Variants in ZMYM2 observed in about 807,000 individuals in gnomAD.
ZMYM2 encodes the protein zinc finger MYM-type protein 2.
A neutral mutation model predicts 162.8 loss-of-function variants in ZMYM2; 56 were observed. The observed-to-expected ratio is 0.34, with a 90% CI of 0.28 to 0.43. The LOEUF (loss-of-function observed/expected upper bound fraction) is 0.43, where lower values mean the gene tolerates loss of function less well. Ranked by LOEUF, ZMYM2 falls within the 20% of genes least tolerant of loss-of-function variation. The probability of loss-of-function intolerance (pLI) is 1.00; values close to 1 mark genes in which losing one functional copy is unlikely to be tolerated. For synonymous variants in ZMYM2, 510 were observed against 541.6 expected, an observed-to-expected ratio of 0.94 and a Z score of 0.81; for missense variants, 1,275 against 1,621.8, an observed-to-expected ratio of 0.79 and a Z score of 3.67.
At chr13:19,976,680 G>A (rs1457283718) in intron 2 of ZMYM2, among the ~76,000 whole-genome samples, 1 of 152,170 alleles carries the variant, frequency 6.6e-6, no homozygotes, top group Admixed American at 6.5e-5. Context: ...TTTTGTGACT[G>A]GCTGTTTTCA....
At chr13:19,888,432 TC>T in the ZMYM2 span, among the ~76,000 whole-genome samples, 1 of 151,422 alleles carries the variant, frequency 6.6e-6, no homozygotes, top group Non-Finnish European at 1.5e-5. Flanking sequence ...CAAATGATCC[TC>T]CTGCCTTGGC....
chr13:20,066,122 A>T (rs1256792512), intron 19 of ZMYM2, among the ~76,000 whole-genome samples: 1 of 152,258 alleles, frequency 6.6e-6, no homozygotes, highest in Non-Finnish European at 1.5e-5. Flanking sequence ...AGATTCAGGA[A>T]TACCAGTCAG....
chr13:20,027,387 A>C (rs1277703761), intron 9 of ZMYM2, 69 bp downstream of exon 9: 5 of 1,153,762 alleles, frequency 4.3e-6, no homozygotes, highest in Non-Finnish European at 4.7e-6. Context: ...AGTGTAATAT[A>C]ATATGCTTTA....
At chr13:20,018,560 C>T (rs1224312269) in intron 6 of ZMYM2, among the ~76,000 whole-genome samples, 2 of 152,154 alleles carry the variant, frequency 1.3e-5, no homozygotes, top group African/African-American at 4.8e-5. Context: ...GCTCTCATTG[C>T]TCACTTAGTT....
At chr13:19,997,495 A>G (rs945599880) in intron 3 of ZMYM2, among the ~76,000 whole-genome samples, 5 of 152,072 alleles carry the variant, frequency 3.3e-5, no homozygotes, top group Non-Finnish European at 7.4e-5. Flanking sequence ...AACTCCTTGT[A>G]GGTAGGTAGA....
intron 8 of ZMYM2, 141 bp from the exon 9 acceptor site, chr13:20,027,062 G>A (rs1384745140): frequency 6.3e-6 from 4 of 635,620 alleles, no homozygotes; most frequent in Non-Finnish European, 1.0e-5. Flanking sequence ...TATTTTAAAA[G>A]TGCACATAAT....
chr13:20,011,242 A>T (rs1951154472), intron 6 of ZMYM2, among the ~76,000 whole-genome samples: 2 of 152,180 alleles, frequency 1.3e-5, no homozygotes, highest in African/African-American at 4.8e-5. Flanking sequence ...GAAGTTCTTT[A>T]TATCTTGTAC....
chr13:19,936,200 G>A, the ZMYM2 span, among the ~76,000 whole-genome samples: 2 of 152,064 alleles, frequency 1.3e-5, no homozygotes, highest in East Asian at 3.9e-4. Flanking sequence ...TCATGAAGAG[G>A]GTTCATTTCA....
At position 20,005,088 on chromosome 13, in the gene ZMYM2, T is replaced by C; in HGVS notation, c.1148T>C (p.Met383Thr). 6.2e-7 allele frequency: 1 copy of C among 1,604,638 alleles called. No homozygotes were observed. The highest frequency in any genetic ancestry group is 8.5e-7 in the Non-Finnish European group (1 of 1,177,214). ...CVMCKKDITT[M>T]KGTIVAQVDS... ...TTATTTTTCAGAGATATAACTACAATGAAAGGAACCATTGTTGCTCAAGTG... is the reference window on the plus strand; with the variant it reads ...TTATTTTTCAGAGATATAACTACAACGAAAGGAACCATTGTTGCTCAAGTG... The change falls in exon 5 of 25, where the codon ATG becomes ACG. Residue 383 changes from methionine to threonine, a missense_variant. This residue lies in a region of ZMYM2 where 115 missense variants were observed against 175.3 expected (regional missense o/e 0.66). Transcript: ENST00000610343.
At chr13:20,012,354 T>G (rs1039588687) in intron 6 of ZMYM2, among the ~76,000 whole-genome samples, 3 of 152,104 alleles carry the variant, frequency 2.0e-5, no homozygotes, top group African/African-American at 7.2e-5. Flanking sequence ...TTTTGTATTT[T>G]TTTTTAGTAG....
upstream of ZMYM2, among the ~76,000 whole-genome samples, chr13:19,958,452 A>G (rs1282623978): frequency 6.6e-6 from 1 of 150,434 alleles, no homozygotes; most frequent in Non-Finnish European, 1.5e-5. Flanking sequence ...TGACCCTGGC[A>G]GACCCGGTGG....
the ZMYM2 span, among the ~76,000 whole-genome samples, chr13:19,947,654 T>C: frequency 2.0e-5 from 2 of 101,828 alleles, no homozygotes; most frequent in African/African-American, 3.2e-5. Context: ...AGACGGGGTT[T>C]CACCATGTTG....
intron 21 of ZMYM2, among the ~76,000 whole-genome samples, chr13:20,075,831 T>C (rs1593253637): frequency 6.6e-6 from 1 of 151,906 alleles, no homozygotes; most frequent in Admixed American, 6.6e-5. Flanking sequence ...ATTACAGGAA[T>C]GAGCCACCAT....
chr13:20,044,742 G>A (rs933913762), intron 12 of ZMYM2, among the ~76,000 whole-genome samples: 3 of 152,026 alleles, frequency 2.0e-5, no homozygotes, highest in Non-Finnish European at 2.9e-5. Flanking sequence ...TTCATTGTGG[G>A]TACAGTTGTA....
chr13:19,885,366 G>A, the ZMYM2 span, among the ~76,000 whole-genome samples: 4 of 152,286 alleles, frequency 2.6e-5, no homozygotes, highest in Admixed American at 2.0e-4. Flanking sequence ...AGGATAAGAG[G>A]ATCCATGCCA....
At chr13:19,973,973 G>A (rs1956563371) in intron 2 of ZMYM2, among the ~76,000 whole-genome samples, 2 of 152,182 alleles carry the variant, frequency 1.3e-5, no homozygotes, top group African/African-American at 4.8e-5. Flanking sequence ...CCTTACCATA[G>A]GGCATATAAG....
the ZMYM2 span, among the ~76,000 whole-genome samples, chr13:19,901,801 G>T: frequency 6.6e-5 from 10 of 152,030 alleles, no homozygotes; most frequent in Non-Finnish European, 8.8e-5. Flanking sequence ...AGGAGCTGGG[G>T]TCTCAATCTG....
intron 17 of ZMYM2, 32 bp downstream of exon 17, chr13:20,061,256 A>T: frequency 1.2e-6 from 2 of 1,604,004 alleles, no homozygotes; most frequent in Non-Finnish European, 1.7e-6. Flanking sequence ...CTTGCGAATA[A>T]GTGTTAACAT....
chr13:19,985,107 G>A (rs1242786705), intron 2 of ZMYM2, among the ~76,000 whole-genome samples: 1 of 152,076 alleles, frequency 6.6e-6, no homozygotes, highest in South Asian at 2.1e-4. Context: ...AATGTTAACC[G>A]CAAATTCAGC....
Sources: gnomAD v4.1 joint callset for allele counts (sites outside exome capture counted in the v4.1 genomes callset) on GRCh38, gnomAD v4.1.1 for gene constraint, gnomAD v4.1.1 regional missense constraint, MANE v1.5 for transcripts, NCBI Gene and HGNC (gene_info 2026-07-23, HGNC 2026-07-21) for gene names.